Variants in P3H2 observed in about 807,000 individuals in gnomAD.
P3H2 encodes leprecan-like 1.
A neutral mutation model predicts 87.0 loss-of-function variants in P3H2; 80 were observed. That is an observed-to-expected ratio of 0.92 (90% confidence interval 0.77 to 1.11). The LOEUF is 1.11. Ranked by LOEUF, P3H2 falls within the 50% of genes least tolerant of loss-of-function variation. The pLI, the probability that P3H2 is intolerant of heterozygous loss-of-function variation, is 0.00. For missense variants in P3H2, 1,001 were observed against 923.9 expected, an observed-to-expected ratio of 1.08 and a Z score of -1.08; for synonymous variants, 367 against 359.3, an observed-to-expected ratio of 1.02 and a Z score of -0.24.
rs1447940 is a variant in P3H2, at chr3:190,051,010, A to T, written c.481-55568T>A. ...TTCTGAAATTAGGATATTAATCTGT[A>T]GCAATTTCCTAATCTGCGAACTGAA... On this transcript the variant is annotated intron_variant, in intron 1 of 14. Transcript: ENST00000319332. 1.8e-4 allele frequency among the ~76,000 whole-genome samples: 28 copies of T among 152,200 alleles called. No individual in the cohort carries two copies. The South Asian group carries it at 1.9e-3, about 10-fold the overall frequency.
At chr3:190,030,389 T>C (rs1009885591) in intron 1 of P3H2, among the ~76,000 whole-genome samples, 3 of 152,128 alleles carry the variant, frequency 2.0e-5, no homozygotes, top group African/African-American at 7.2e-5. Context: ...CTGGGCAACA[T>C]GGCAAAACCT....
rs929258443 is a variant in P3H2, at chr3:190,099,681, A to C, written c.480+20571T>G. 3.3e-5 allele frequency among the ~76,000 whole-genome samples: 5 copies of C among 152,226 alleles called. No homozygotes were observed. The East Asian group carries it at 5.8e-4, about 18-fold the overall frequency. On this transcript the variant is annotated intron_variant, in intron 1 of 14. Coordinates refer to ENST00000319332, the MANE Select transcript of P3H2 (RefSeq NM_018192.4). ...TAATAAGAAGTCTTACCTGAAAGAC[A>C]ATCTATAAACTGCTTTATTCATAGA...
At chr3:190,087,932 G>C (rs985874454) in intron 1 of P3H2, among the ~76,000 whole-genome samples, 4 of 152,132 alleles carry the variant, frequency 2.6e-5, no homozygotes, top group Non-Finnish European at 5.9e-5. Flanking sequence ...GGAAATAAAG[G>C]AATTGGTCCA....
At chr3:190,044,336 A>G (rs1725734156) in intron 1 of P3H2, among the ~76,000 whole-genome samples, 1 of 152,232 alleles carries the variant, frequency 6.6e-6, no homozygotes, top group Non-Finnish European at 1.5e-5. Context: ...AATGGGAGAC[A>G]TTTTACAGTA....
At position 189,995,314 on chromosome 3, in the gene P3H2, T is replaced by C. The variant is rs1724017147; in HGVS notation, c.609A>G (p.Val203=). ...CCATGTGTGGCTTGGCTTCTCTGTCTACCAACTGCAATGCTTCAACACCAG... is the reference window on the plus strand; with the variant it reads ...CCATGTGTGGCTTGGCTTCTCTGTCCACCAACTGCAATGCTTCAACACCAG... The part of the protein sequence containing the change: ...ATAGVEALQL[V]DREAKPHMES... The change falls in exon 2 of 15, where the codon GTA becomes GTG. Residue 203 remains valine (V), a synonymous_variant. Coordinates refer to ENST00000319332, the MANE Select transcript of P3H2 (RefSeq NM_018192.4). 6.2e-7 allele frequency: 1 copy of C among 1,614,010 alleles called. No individual in the cohort carries two copies. The highest frequency in any genetic ancestry group is 8.5e-7 in the Non-Finnish European group (1 of 1,180,018).
intron 1 of P3H2, among the ~76,000 whole-genome samples, chr3:190,097,602 T>C (rs893026396): frequency 6.6e-6 from 1 of 151,116 alleles, no homozygotes. Context: ...AAAGTCTTAC[T>C]TGAAAACCTA....
chr3:190,089,516 T>C (rs2108984796), intron 1 of P3H2, among the ~76,000 whole-genome samples: 1 of 152,330 alleles, frequency 6.6e-6, no homozygotes, highest in South Asian at 2.1e-4. Context: ...GTCTCCTTCC[T>C]TGTGACCTTC....
At chr3:190,000,792 A>C (rs2108927915) in intron 1 of P3H2, among the ~76,000 whole-genome samples, 1 of 152,346 alleles carries the variant, frequency 6.6e-6, no homozygotes, top group South Asian at 2.1e-4. Context: ...TCATTTGTAT[A>C]GGCTATGGTA....
intron 1 of P3H2, among the ~76,000 whole-genome samples, chr3:190,103,620 T>TGG (rs1235834814): frequency 6.6e-6 from 1 of 152,172 alleles, no homozygotes; most frequent in Non-Finnish European, 1.5e-5. Flanking sequence ...GGCAGGCTGG[T>TGG]GGCAAGGCTG....
intron 1 of P3H2, among the ~76,000 whole-genome samples, chr3:190,061,647 A>C (rs189396441): frequency 6.6e-6 from 1 of 152,162 alleles, no homozygotes; most frequent in African/African-American, 2.4e-5. Context: ...TTCACCTGCC[A>C]GTTTCCTGCT....
intron 1 of P3H2, among the ~76,000 whole-genome samples, chr3:190,109,151 G>A (rs144028630): frequency 7.4e-4 from 113 of 152,210 alleles, no homozygotes; most frequent in African/African-American, 2.5e-3. Flanking sequence ...CTTTTCTTTC[G>A]TGAGACTCTT....
At chr3:190,066,847 T>C (rs1726525668) in intron 1 of P3H2, among the ~76,000 whole-genome samples, 1 of 152,064 alleles carries the variant, frequency 6.6e-6, no homozygotes, top group Non-Finnish European at 1.5e-5. Context: ...TCATCTGTGC[T>C]TTTGCTCATG....
intron 7 of P3H2, among the ~76,000 whole-genome samples, chr3:189,984,089 T>TA (rs918115423): frequency 6.6e-5 from 10 of 151,206 alleles, no homozygotes; most frequent in South Asian, 6.3e-4. Context: ...TAATAAAATT[T>TA]AAAAAAAAAT....
intron 8 of P3H2, among the ~76,000 whole-genome samples, chr3:189,980,607 C>T (rs2108914270): frequency 6.6e-6 from 1 of 152,090 alleles, no homozygotes; most frequent in African/African-American, 2.4e-5. Context: ...TGGTTGGAAA[C>T]TTTGTATCTA....
At chr3:190,064,919 C>G (rs1726449318) in intron 1 of P3H2, among the ~76,000 whole-genome samples, 1 of 152,078 alleles carries the variant, frequency 6.6e-6, no homozygotes, top group Admixed American at 6.6e-5. Flanking sequence ...TAGGTGCAAA[C>G]AGTAGACTGC....
intron 1 of P3H2, among the ~76,000 whole-genome samples, chr3:190,059,033 G>A (rs1034701495): frequency 1.3e-5 from 2 of 152,006 alleles, no homozygotes; most frequent in South Asian, 2.1e-4. Context: ...CCCCTTTCTC[G>A]ATCATTTTCT....
rs533504288 is a variant in P3H2, at chr3:189,968,061, G to A, written c.1893+2755C>T. On this transcript the variant is annotated intron_variant, in intron 13 of 14. Transcript: ENST00000319332. ...GTCCCAACTACTTAGATTTTGTATG[G>A]TGGTGAGAGATACCTGGTCATCTAT... Among the ~76,000 whole-genome samples the A allele has an allele frequency of 1.3e-3, 198 of 152,252 alleles. 3 individuals carry two copies. The South Asian group carries it at 0.016, about 12-fold the overall frequency.
At chr3:189,991,092 T>C (rs1723863943) in intron 3 of P3H2, among the ~76,000 whole-genome samples, 1 of 152,172 alleles carries the variant, frequency 6.6e-6, no homozygotes. Context: ...AAAGGAAGAA[T>C]CTGCCATTCC....
intron 1 of P3H2, among the ~76,000 whole-genome samples, chr3:190,041,370 A>G (rs1318445349): frequency 6.6e-6 from 1 of 150,680 alleles, no homozygotes; most frequent in Non-Finnish European, 1.5e-5. Flanking sequence ...GCATATTAAG[A>G]GTATATTTTT....
Sources: gnomAD v4.1 joint callset for allele counts (sites outside exome capture counted in the v4.1 genomes callset) on GRCh38, gnomAD v4.1.1 for gene constraint, MANE v1.5 for transcripts, NCBI Gene and HGNC (gene_info 2026-07-23, HGNC 2026-07-21) for gene names.